Variants in METTL15 observed in about 807,000 individuals in gnomAD.
METTL15 encodes the protein 12S rRNA N(4)-cytidine methyltransferase METTL15.
Under a neutral mutation model 38.3 loss-of-function variants are expected in METTL15, and 34 were observed. The observed-to-expected ratio is 0.89, with a 90% CI of 0.68 to 1.18. The LOEUF (loss-of-function observed/expected upper bound fraction) is 1.18, where lower values mean the gene tolerates loss of function less well. METTL15 is among the 50% of genes most tolerant of loss of function. METTL15 has a pLI of 0.00. For missense variants in METTL15, 438 were observed against 498.4 expected (o/e 0.88, Z 1.15); for synonymous variants, 162 against 170.9 (o/e 0.95, Z 0.41).
At chr11:28,459,537 T>C (rs770180436) in intron 6 of METTL15, among the ~76,000 whole-genome samples, 3 of 152,188 alleles carry the variant, frequency 2.0e-5, no homozygotes, top group Non-Finnish European at 4.4e-5. Flanking sequence ...CCCACCATCA[T>C]TGCTGAAATG....
At chr11:28,116,123 T>A (rs1851944796) in intron 3 of METTL15, among the ~76,000 whole-genome samples, 1 of 152,138 alleles carries the variant, frequency 6.6e-6, no homozygotes, top group African/African-American at 2.4e-5. Flanking sequence ...TAGATTAAAT[T>A]AAATAAGGTC....
chr11:28,157,430 A>C (rs1850300685), intron 3 of METTL15, among the ~76,000 whole-genome samples: 1 of 152,138 alleles, frequency 6.6e-6, no homozygotes, highest in Middle Eastern at 3.2e-3. Context: ...TGCTCTTTGG[A>C]GCCTTTGGCA....
intron 6 of METTL15, among the ~76,000 whole-genome samples, chr11:28,489,391 C>T (rs187075650): frequency 1.3e-5 from 2 of 152,282 alleles, no homozygotes; most frequent in African/African-American, 4.8e-5. Context: ...TTGAAGGATG[C>T]ACTCCTTCAC....
intron 4 of METTL15, among the ~76,000 whole-genome samples, chr11:28,257,862 T>C (rs574705694): frequency 6.6e-6 from 1 of 152,326 alleles, no homozygotes; most frequent in African/African-American, 2.4e-5. Flanking sequence ...GGTCACATAT[T>C]TCTAATTCTT....
chr11:28,296,985 G>T, intron 6 of METTL15, 54 bp downstream of exon 6: 9 of 1,579,396 alleles, frequency 5.7e-6, no homozygotes, highest in Non-Finnish European at 7.8e-6. Flanking sequence ...ATTTACATGT[G>T]TGCATGTGTT....
intron 6 of METTL15, among the ~76,000 whole-genome samples, chr11:28,444,975 G>A (rs183934071): frequency 6.6e-6 from 1 of 152,144 alleles, no homozygotes; most frequent in Non-Finnish European, 1.5e-5. Context: ...TGGGACCGAG[G>A]AGCTGGCTAC....
At chr11:28,319,053 A>C (rs1023240274) in intron 6 of METTL15, among the ~76,000 whole-genome samples, 7 of 152,302 alleles carry the variant, frequency 4.6e-5, no homozygotes, top group South Asian at 2.1e-4. Context: ...TGCTGCCTTC[A>C]CCAGATGTGC....
At chr11:28,319,301 T>C (rs1849378154) in intron 6 of METTL15, among the ~76,000 whole-genome samples, 1 of 152,146 alleles carries the variant, frequency 6.6e-6, no homozygotes, top group Non-Finnish European at 1.5e-5. Context: ...CATCTTGACT[T>C]CCTTAAATTC....
chr11:28,227,066 G>C (rs1370801009), intron 4 of METTL15, among the ~76,000 whole-genome samples: 1 of 151,720 alleles, frequency 6.6e-6, no homozygotes, highest in Non-Finnish European at 1.5e-5. Context: ...TATAACCTTC[G>C]CTCAGGAGAT....
chr11:28,450,642 T>G (rs980962824), intron 6 of METTL15, among the ~76,000 whole-genome samples: 4 of 152,236 alleles, frequency 2.6e-5, no homozygotes, highest in Admixed American at 2.6e-4. Context: ...CAAGAGTTAT[T>G]AATCTGGATT....
chr11:28,409,425 T>C (rs375219718), intron 5 of METTL15, among the ~76,000 whole-genome samples: 12 of 148,552 alleles, frequency 8.1e-5, no homozygotes, highest in African/African-American at 3.0e-4. Context: ...ATATCATATG[T>C]AATATGGTTT....
intron 6 of METTL15, among the ~76,000 whole-genome samples, chr11:28,504,489 T>C (rs901201711): frequency 6.6e-6 from 1 of 152,230 alleles, no homozygotes; most frequent in Non-Finnish European, 1.5e-5. Context: ...CATAATCTCC[T>C]AATTTCAAGA....
chr11:28,200,605 AT>A (rs757047648), intron 3 of METTL15, among the ~76,000 whole-genome samples: 3 of 151,480 alleles, frequency 2.0e-5, no homozygotes, highest in Admixed American at 1.3e-4. Context: ...GAGAAGTAAA[AT>A]TTTTTTTTGT....
At chr11:28,121,799 A>G (rs1242907190) in intron 3 of METTL15, among the ~76,000 whole-genome samples, 1 of 152,020 alleles carries the variant, frequency 6.6e-6, no homozygotes, top group Non-Finnish European at 1.5e-5. Context: ...TCTCATTAGT[A>G]TTGGATTTTA....
intron 3 of METTL15, among the ~76,000 whole-genome samples, chr11:28,155,495 G>T (rs1271058977): frequency 1.3e-5 from 2 of 152,100 alleles, no homozygotes; most frequent in Admixed American, 1.3e-4. Flanking sequence ...AGAATTCACT[G>T]TCTTTTCCTT....
chr11:28,485,218 G>A (rs1169359346), intron 6 of METTL15, among the ~76,000 whole-genome samples: 1 of 149,466 alleles, frequency 6.7e-6, no homozygotes, highest in Non-Finnish European at 1.5e-5. Context: ...GACTAACTGT[G>A]TCTAACTTAT....
Position 28,176,026 on chromosome 11 carries a change from AAG to A in METTL15, c.271-35033_271-35032del, listed in dbSNP as rs758326208. Among the ~76,000 whole-genome samples, 15 of 152,206 alleles carry A rather than the reference AAG, an allele frequency of 9.9e-5. No homozygotes were observed. The East Asian group carries it at 2.7e-3, about 27-fold the overall frequency. On this transcript the variant is annotated intron_variant, in intron 3 of 6. Coordinates refer to ENST00000407364, the MANE Select transcript of METTL15 (RefSeq NM_001113528.2). The stretch of plus-strand genomic sequence containing the variant: ...ATTTAATATTACTAAGGAGTTTAGA[AAG>A]AGGAAAGAAGACTGAACGTAAGATC...
Position 28,215,991 on chromosome 11 carries a change from C to T in METTL15, c.407+4793C>T, listed in dbSNP as rs146986970. On this transcript the variant is annotated intron_variant, in intron 4 of 6. Coordinates refer to ENST00000407364, the MANE Select transcript of METTL15 (RefSeq NM_001113528.2). ...TTGCGCTCCAACCTTGGTGACAGAG[C>T]AAGATCCTGTCTCAAGATGGGTGGA... is the stretch of plus-strand genomic sequence containing the variant. Among the ~76,000 whole-genome samples the T allele has an allele frequency of 5.5e-3, 830 of 152,148 alleles. 6 individuals are homozygous for T. Among genetic ancestry groups the T allele is most frequent in the Middle Eastern group, 0.017 (5 of 294 alleles).
chr11:28,314,511 GGTC>G (rs1407456150), intron 6 of METTL15, among the ~76,000 whole-genome samples: 1 of 152,120 alleles, frequency 6.6e-6, no homozygotes, highest in Non-Finnish European at 1.5e-5. Flanking sequence ...TTTTGTAATG[GGTC>G]TCAAATATGC....
Sources: allele counts gnomAD v4.1 joint callset (sites outside exome capture counted in the v4.1 genomes callset), GRCh38; gene constraint gnomAD v4.1.1; transcripts MANE v1.5; gene names NCBI Gene and HGNC (gene_info 2026-07-23, HGNC 2026-07-21).